The following LDLRAD4 variants were observed in gnomAD, a reference collection of about 807,000 sequenced individuals.
LDLRAD4 encodes low-density lipoprotein receptor class A domain-containing protein 4.
LDLRAD4 carries 5 observed loss-of-function variants against 17.0 expected under a neutral mutation model. The observed-to-expected ratio is 0.29, with a 90% CI of 0.15 to 0.62. The LOEUF (loss-of-function observed/expected upper bound fraction) is 0.62, where lower values mean the gene tolerates loss of function less well. Ranked by LOEUF, LDLRAD4 falls within the 20% of genes least tolerant of loss-of-function variation. The pLI, the probability that LDLRAD4 is intolerant of heterozygous loss-of-function variation, is 0.84. For missense variants in LDLRAD4, 340 were observed against 424.7 expected, an observed-to-expected ratio of 0.80 and a Z score of 1.75; for synonymous variants, 168 against 171.8, an observed-to-expected ratio of 0.98 and a Z score of 0.17.
At chr18:13,338,401 C>T (rs1269670752) in intron 1 of LDLRAD4, among the ~76,000 whole-genome samples, 1 of 129,700 alleles carries the variant, frequency 7.7e-6, no homozygotes, top group Non-Finnish European at 1.6e-5. Flanking sequence ...CTTCCTGAAA[C>T]AGAGAGATCC....
At chr18:13,425,508 G>T (rs2089856491) in intron 2 of LDLRAD4, among the ~76,000 whole-genome samples, 1 of 152,116 alleles carries the variant, frequency 6.6e-6, no homozygotes, top group Non-Finnish European at 1.5e-5. Context: ...AGCCTACTGG[G>T]GCACTTCCTC....
intron 3 of LDLRAD4, among the ~76,000 whole-genome samples, chr18:13,609,629 C>T (rs1486654269): frequency 6.6e-6 from 1 of 152,070 alleles, no homozygotes; most frequent in Admixed American, 6.5e-5. Flanking sequence ...GGTTTTTAAA[C>T]AGGTTGAACT....
At chr18:13,280,897 A>G (rs1041010711) in intron 1 of LDLRAD4, among the ~76,000 whole-genome samples, 8 of 152,200 alleles carry the variant, frequency 5.3e-5, no homozygotes, top group Non-Finnish European at 8.8e-5. Flanking sequence ...GACCCAGGCA[A>G]TGCATCCCGA....
At chr18:13,283,243 T>A (rs2045393981) in intron 1 of LDLRAD4, among the ~76,000 whole-genome samples, 1 of 152,242 alleles carries the variant, frequency 6.6e-6, no homozygotes, top group South Asian at 2.1e-4. Flanking sequence ...TTTATGCACA[T>A]TTCTGCAGCC....
At chr18:13,652,277 C>T (rs1261409206) in exon 6 of LDLRAD4, 3 of 152,244 alleles carry the variant, frequency 2.0e-5, no homozygotes, top group Admixed American at 1.3e-4. Context: ...TTTTAATGTG[C>T]TTGTTGGTAT....
intron 1 of LDLRAD4, among the ~76,000 whole-genome samples, chr18:13,331,928 T>C (rs1265295008): frequency 6.6e-6 from 1 of 152,228 alleles, no homozygotes; most frequent in Non-Finnish European, 1.5e-5. Context: ...CTTGAACTCC[T>C]GGGCTCAAGT....
chr18:13,440,692 C>T lies in LDLRAD4; in HGVS notation c.181+2308C>T, dbSNP rs79695600. 6.3e-3 allele frequency among the ~76,000 whole-genome samples: 954 copies of T among 152,232 alleles called. 3 individuals are homozygous for T. Among genetic ancestry groups the T allele is most frequent in the South Asian group, 0.014 (67 of 4,824 alleles). The stretch of plus-strand genomic sequence containing the variant: ...CCTGTGGAACAGGCACACTTCCTGC[C>T]GTGTAAGCATCTAAAGGAAAGAACG... On this transcript the variant is annotated intron_variant, in intron 3 of 5. Coordinates refer to ENST00000359446, the Ensembl canonical transcript of LDLRAD4. The surrounding 1 kb of genome is among the most constrained non-coding windows in gnomAD (Gnocchi z 4.4).
intron 3 of LDLRAD4, among the ~76,000 whole-genome samples, chr18:13,538,654 A>G (rs528429005): frequency 6.6e-6 from 1 of 152,114 alleles, no homozygotes; most frequent in South Asian, 2.1e-4. Context: ...CCTCCCCATT[A>G]GCTGGGACTA....
chr18:13,264,337 G>A (rs1196070627), intron 1 of LDLRAD4, among the ~76,000 whole-genome samples: 1 of 152,260 alleles, frequency 6.6e-6, no homozygotes, highest in Non-Finnish European at 1.5e-5. Context: ...TATCCTCAGA[G>A]CAGGCCTTGC....
intron 3 of LDLRAD4, among the ~76,000 whole-genome samples, chr18:13,450,162 C>T (rs1417592078): frequency 1.3e-5 from 2 of 152,218 alleles, no homozygotes; most frequent in Non-Finnish European, 2.9e-5. Flanking sequence ...AGAGACCCTG[C>T]CCTTCCAGGC....
At chr18:13,393,001 G>C (rs898616924) in intron 2 of LDLRAD4, among the ~76,000 whole-genome samples, 20 of 152,278 alleles carry the variant, frequency 1.3e-4, no homozygotes, top group African/African-American at 4.8e-4. Context: ...GGAATAGTTG[G>C]AGCTGTTTCC....
chr18:13,247,337 C>T (rs1247347853), intron 1 of LDLRAD4, among the ~76,000 whole-genome samples: 2 of 151,506 alleles, frequency 1.3e-5, no homozygotes, highest in Non-Finnish European at 2.9e-5. Context: ...AATCATGGCA[C>T]GCGTATCACA....
At chr18:13,223,603 G>T (rs896887397) in intron 1 of LDLRAD4, among the ~76,000 whole-genome samples, 2 of 152,210 alleles carry the variant, frequency 1.3e-5, no homozygotes, top group Non-Finnish European at 2.9e-5. Context: ...CTCTGCTTCC[G>T]AAGGCAGCCG....
chr18:13,426,866 C>G (rs1345147681), intron 2 of LDLRAD4, among the ~76,000 whole-genome samples: 1 of 152,188 alleles, frequency 6.6e-6, no homozygotes, highest in African/African-American at 2.4e-5. Context: ...GTAGCCCACG[C>G]CCTATGAGGT....
At chr18:13,572,939 C>T (rs183391062) in intron 3 of LDLRAD4, among the ~76,000 whole-genome samples, 2 of 152,278 alleles carry the variant, frequency 1.3e-5, no homozygotes, top group East Asian at 1.9e-4. Context: ...GCCAGTGAGG[C>T]CAGGATGTGC....
At chr18:13,579,669 A>G (rs955066047) in intron 3 of LDLRAD4, among the ~76,000 whole-genome samples, 3 of 152,212 alleles carry the variant, frequency 2.0e-5, no homozygotes, top group African/African-American at 7.2e-5. Context: ...TTCCCAGGCA[A>G]AGTCACCAAA....
chr18:13,296,500 CAT>C (rs1344381979), intron 1 of LDLRAD4, among the ~76,000 whole-genome samples: 1 of 151,932 alleles, frequency 6.6e-6, no homozygotes, highest in African/African-American at 2.4e-5. Context: ...TCTGGGCACA[CAT>C]GAGGGGTCTT....
chr18:13,551,797 A>G (rs904566743), intron 3 of LDLRAD4, among the ~76,000 whole-genome samples: 2 of 152,162 alleles, frequency 1.3e-5, no homozygotes, highest in African/African-American at 4.8e-5. Flanking sequence ...CTACAAAGGA[A>G]TACCTGAGGT....
chr18:13,261,486 C>G (rs1329615931), intron 1 of LDLRAD4, among the ~76,000 whole-genome samples: 1 of 152,188 alleles, frequency 6.6e-6, no homozygotes, highest in African/African-American at 2.4e-5. Flanking sequence ...CAGTTTAGTT[C>G]AAGTTGTGAG....
Sources: gnomAD v4.1 joint callset for allele counts (sites outside exome capture counted in the v4.1 genomes callset) on GRCh38, gnomAD v4.1.1 for gene constraint, Gnocchi (gnomAD v3.1) non-coding constraint, MANE v1.5 for transcripts, NCBI Gene and HGNC (gene_info 2026-07-23, HGNC 2026-07-21) for gene names.